Variants in HLCS observed in about 807,000 individuals in gnomAD.
HLCS encodes the protein biotin--protein ligase.
HLCS carries 53 observed loss-of-function variants against 75.0 expected under a neutral mutation model. The ratio of observed to expected loss-of-function variants is 0.71; its 90% CI spans 0.57 to 0.89. HLCS has a LOEUF of 0.89. Among genes scored for constraint, HLCS ranks in the 40% least tolerant of loss-of-function variants. The probability of loss-of-function intolerance (pLI) is 0.00; values close to 1 mark genes in which losing one functional copy is unlikely to be tolerated. For synonymous variants in HLCS, 431 were observed against 428.6 expected, an observed-to-expected ratio of 1.01 and a Z score of -0.07; for missense variants, 966 against 1,074.0, an observed-to-expected ratio of 0.90 and a Z score of 1.41.
intron 10 of HLCS, among the ~76,000 whole-genome samples, chr21:36,756,272 A>T (rs570083821): frequency 6.7e-6 from 1 of 150,120 alleles, no homozygotes; most frequent in Non-Finnish European, 1.5e-5. Context: ...CCCCACCTCC[A>T]CTAAAAATAC....
At chr21:36,961,447 G>C (rs1343399667) in intron 2 of HLCS, among the ~76,000 whole-genome samples, 1 of 152,130 alleles carries the variant, frequency 6.6e-6, no homozygotes, top group Non-Finnish European at 1.5e-5. Context: ...CTGGAGCCCT[G>C]AGTTTGAGGC....
chr21:36,909,121 T>C (rs1355110997), intron 5 of HLCS, among the ~76,000 whole-genome samples: 1 of 151,898 alleles, frequency 6.6e-6, no homozygotes, highest in Non-Finnish European at 1.5e-5. Flanking sequence ...GGCATGAACC[T>C]CGGAAGCGGA....
chr21:36,768,904 A>G lies in HLCS; in HGVS notation c.1893-1619T>C, dbSNP rs2090135945. On this transcript the variant is annotated intron_variant, in intron 6 of 10. Transcript: ENST00000674895. ...TCTTTCAGGCACCTCTGTTTTCTAG[A>G]GGGTCCAGCAACCCTCCACCTGGCT... 2.0e-5 allele frequency among the ~76,000 whole-genome samples: 3 copies of G among 152,136 alleles called. No individual in the cohort carries two copies. The South Asian group carries it at 6.2e-4, about 32-fold the overall frequency.
intron 5 of HLCS, among the ~76,000 whole-genome samples, chr21:36,922,235 G>GA (rs1601750324): frequency 2.0e-5 from 3 of 151,750 alleles, no homozygotes; most frequent in South Asian, 4.2e-4. Context: ...CTCCTTTTTA[G>GA]AAAAAAATAT....
chr21:36,856,332 G>C (rs1220243188), intron 6 of HLCS, among the ~76,000 whole-genome samples: 1 of 152,172 alleles, frequency 6.6e-6, no homozygotes, highest in Non-Finnish European at 1.5e-5. Context: ...AGGGGAAAAA[G>C]GTAGGCCAGA....
At chr21:36,925,870 T>C (rs968982791) in intron 5 of HLCS, among the ~76,000 whole-genome samples, 3 of 152,242 alleles carry the variant, frequency 2.0e-5, no homozygotes, top group South Asian at 2.1e-4. Context: ...TCAGATTCGA[T>C]AGAAAATAAA....
At chr21:36,856,554 T>A (rs141405226) in intron 6 of HLCS, among the ~76,000 whole-genome samples, 1 of 152,046 alleles carries the variant, frequency 6.6e-6, no homozygotes, top group Non-Finnish European at 1.5e-5. Flanking sequence ...CCACCGCCAA[T>A]AGTAGTCCTT....
At chr21:36,785,324 A>G (rs2060654586) in intron 6 of HLCS, among the ~76,000 whole-genome samples, 1 of 152,132 alleles carries the variant, frequency 6.6e-6, no homozygotes, top group Non-Finnish European at 1.5e-5. Context: ...GCTTTGCTCC[A>G]TGACACGCTG....
At chr21:36,832,190 T>C (rs2062235455) in intron 6 of HLCS, among the ~76,000 whole-genome samples, 1 of 152,188 alleles carries the variant, frequency 6.6e-6, no homozygotes, top group Non-Finnish European at 1.5e-5. Flanking sequence ...ACTGGGCAAG[T>C]GTCCTCTGGC....
intron 6 of HLCS, among the ~76,000 whole-genome samples, chr21:36,850,092 G>A (rs1601505813): frequency 6.6e-6 from 1 of 152,176 alleles, no homozygotes; most frequent in East Asian, 1.9e-4. Flanking sequence ...GAAGAAAATA[G>A]GAAAGTGAGT....
At chr21:36,982,211 C>A (rs555025121) in intron 1 of HLCS, among the ~76,000 whole-genome samples, 1 of 152,258 alleles carries the variant, frequency 6.6e-6, no homozygotes, top group East Asian at 1.9e-4. Context: ...ATCTAATATT[C>A]TATTTGTGAT....
chr21:36,804,237 C>G (rs1249942027), intron 6 of HLCS: 2 of 152,332 alleles, frequency 1.3e-5, no homozygotes, highest in African/African-American at 2.4e-5. Flanking sequence ...ACGCTCCCAG[C>G]AGGTACGGTA....
chr21:36,911,258 G>GC (rs1224510881), intron 5 of HLCS, among the ~76,000 whole-genome samples: 1 of 152,040 alleles, frequency 6.6e-6, no homozygotes, highest in Non-Finnish European at 1.5e-5. Context: ...TGCCTCTCCT[G>GC]CCCCCTCCCC....
At chr21:36,895,170 A>T (rs540327565) in intron 6 of HLCS, among the ~76,000 whole-genome samples, 2 of 152,328 alleles carry the variant, frequency 1.3e-5, no homozygotes, top group Admixed American at 1.3e-4. Context: ...CCACAGAAAC[A>T]ACAAAAATGG....
chr21:36,944,452 T>C (rs1168513897), intron 2 of HLCS, among the ~76,000 whole-genome samples: 1 of 152,234 alleles, frequency 6.6e-6, no homozygotes, highest in African/African-American at 2.4e-5. Context: ...TACCTAGGTG[T>C]ATAAATTCAT....
chr21:36,974,602 CTGTTATGA>C (rs2068886780), intron 1 of HLCS: 1 of 152,160 alleles, frequency 6.6e-6, no homozygotes, highest in Non-Finnish European at 1.5e-5. Flanking sequence ...ACCACCTAAT[CTGTTATGA>C]CTGGTATCCT....
chr21:36,977,487 A>C (rs7280358), intron 1 of HLCS, among the ~76,000 whole-genome samples: 56,249 of 152,160 alleles, frequency 0.37, 10,587 homozygotes, highest in Admixed American at 0.42. Flanking sequence ...TCTTGAACAA[A>C]TGTTTCACTT....
chr21:36,772,307 T>A (rs1432692033), intron 6 of HLCS, among the ~76,000 whole-genome samples: 1 of 152,098 alleles, frequency 6.6e-6, no homozygotes, highest in Admixed American at 6.6e-5. Flanking sequence ...AACAGTATCG[T>A]AGAATGATTC....
At position 36,756,795 on chromosome 21, in the gene HLCS, T is replaced by C. The variant is rs749904486; in HGVS notation, c.2237-40A>G. ...ACAATTGAGCAGCTCAGCCTGTTGA[T>C]GGCATCACACATTCCTCTCTGCCAC... On this transcript the variant is annotated intron_variant, in intron 9 of 10. Coordinates refer to ENST00000674895, the MANE Select transcript of HLCS (RefSeq NM_001352514.2). 9 of 1,613,040 alleles carry C rather than the reference T, an allele frequency of 5.6e-6. No individual in the cohort carries two copies. The African/African-American group carries it at 1.1e-4, about 19-fold the overall frequency.
Sources: gnomAD v4.1 joint callset for allele counts (sites outside exome capture counted in the v4.1 genomes callset) on GRCh38, gnomAD v4.1.1 for gene constraint, MANE v1.5 for transcripts, NCBI Gene and HGNC (gene_info 2026-07-23, HGNC 2026-07-21) for gene names.